The following WNK2 variants were observed in gnomAD, a reference collection of about 807,000 sequenced individuals.
WNK2 encodes serine/threonine-protein kinase WNK2.
A neutral mutation model predicts 192.1 loss-of-function variants in WNK2; 67 were observed. That is an observed-to-expected ratio of 0.35 (90% CI 0.29 to 0.43). The LOEUF (loss-of-function observed/expected upper bound fraction) is 0.43. Ranked by LOEUF, WNK2 falls within the 20% of genes least tolerant of loss-of-function variation. The pLI is 1.00. For synonymous variants in WNK2, 1,439 were observed against 1,393.9 expected (o/e 1.03, Z -0.72); for missense variants, 2,698 against 3,089.7 (o/e 0.87, Z 3.01).
At position 93,185,132 on chromosome 9, in the gene WNK2, C is replaced by G; in HGVS notation, c.203C>G (p.Pro68Arg). Residue 68 changes from proline to arginine, a missense_variant, in exon 2 of 30, where the codon CCG becomes CGG. By Grantham distance (103) the Pro-to-Arg change is moderately radical (BLOSUM62 -2). Transcript: ENST00000427277. ...EAAEAPGPQP[P>R]QPLQRRVLLL... ...GCCGAGGCGCCGGGCCCGCAGCCCCCGCAGCCCCTGCAGCGCCGGGTGCTT... is the reference window on the plus strand; with the variant it reads ...GCCGAGGCGCCGGGCCCGCAGCCCCGGCAGCCCCTGCAGCGCCGGGTGCTT... 3 of 1,307,272 alleles carry G rather than the reference C, an allele frequency of 2.3e-6. No individual in the cohort carries two copies. Among genetic ancestry groups the G allele is most frequent in the Non-Finnish European group, 2.9e-6 (3 of 1,021,964 alleles). 81.0% of individuals were successfully genotyped at this position (1,307,272 alleles called of 1,614,324 possible). A position where few individuals can be genotyped will look rare whatever the true frequency, so the allele number is the denominator to read the frequency against.
chr9:93,301,737 C>T (rs527635061), intron 26 of WNK2, among the ~76,000 whole-genome samples: 85 of 152,316 alleles, frequency 5.6e-4, no homozygotes, highest in African/African-American at 2.0e-3. Context: ...TCACTGGGGG[C>T]GAGGGCACCT....
chr9:93,309,517 C>T (rs1812167330), intron 28 of WNK2, among the ~76,000 whole-genome samples: 1 of 152,082 alleles, frequency 6.6e-6, no homozygotes, highest in African/African-American at 2.4e-5. Flanking sequence ...TAAAAGTATC[C>T]ATAATAGCTA....
At position 93,299,220 on chromosome 9, in the gene WNK2, G is replaced by A; in HGVS notation, c.6074G>A (p.Cys2025Tyr). 1 of 1,591,494 alleles carries A rather than the reference G, an allele frequency of 6.3e-7. No individual in the cohort carries two copies. The highest frequency in any genetic ancestry group is 8.6e-7 in the Non-Finnish European group (1 of 1,164,240). Reference protein sequence around the residue: ...SVRASLSSDICSGLASDGGGA... With the variant: ...SVRASLSSDIYSGLASDGGGA... Reference sequence around the variant, plus strand: ...CGGGCCTCCCTGTCTTCGGACATCTGCTCCGGCTTAGCCAGTGATGGAGGC... The same window carrying A: ...CGGGCCTCCCTGTCTTCGGACATCTACTCCGGCTTAGCCAGTGATGGAGGC... Residue 2025 changes from cysteine to tyrosine, a missense_variant, in exon 25 of 30, where the codon TGC (cysteine) becomes TAC (tyrosine). Physicochemically the swap from Cys to Tyr is radical, Grantham distance 194. This residue lies in a region of WNK2 where 1,098 missense variants were observed against 1,101.0 expected (regional missense o/e 1.00). Coordinates refer to ENST00000427277, the MANE Select transcript of WNK2 (RefSeq NM_006648.4).
chr9:93,213,148 C>T (rs1289858908), intron 2 of WNK2, among the ~76,000 whole-genome samples: 2 of 152,068 alleles, frequency 1.3e-5, no homozygotes, highest in African/African-American at 2.4e-5. Flanking sequence ...AGCCGTCTTC[C>T]CAGAGTAGAT....
chr9:93,236,572 A>T (rs1383175652), intron 5 of WNK2, among the ~76,000 whole-genome samples: 1 of 152,248 alleles, frequency 6.6e-6, no homozygotes, highest in Non-Finnish European at 1.5e-5. Flanking sequence ...CTTCCAACAC[A>T]AAACAACCTA....
chr9:93,184,303 G>C lies in WNK2; in HGVS notation c.-85G>C, dbSNP rs1828852504. 6.6e-6 allele frequency among the ~76,000 whole-genome samples: 1 copy of C among 151,130 alleles called. No homozygotes were observed. Among genetic ancestry groups the C allele is most frequent in the Non-Finnish European group, 1.5e-5 (1 of 67,632 alleles). On this transcript the variant is annotated 5_prime_UTR_variant, in exon 1 of 30. Transcript: ENST00000427277. ...CAGCGCGGACCTCGCCCGGAACTCG[G>C]ACCCCGTCCTCGAAGCGTGATCTCT...
rs143837133 is a variant in WNK2, at chr9:93,292,670, G to A, written c.5205G>A (p.Gln1735=). Residue 1735 remains glutamine (Q), a synonymous_variant, in exon 23 of 30, where the codon CAG becomes CAA. Transcript: ENST00000427277. ...ALGSPRKRPE[Q]QDVSSPAKTV... ...GGTCCCCTCGGAAACGTCCAGAGCA[G>A]CAGGATGTCAGCTCACCAGCCAAGA... 6.3e-7 allele frequency: 1 copy of A among 1,577,692 alleles called. No individual in the cohort carries two copies. Among genetic ancestry groups the A allele is most frequent in the Non-Finnish European group, 8.6e-7 (1 of 1,163,198 alleles).
chr9:93,311,369 T>G (rs1157287243), intron 28 of WNK2, among the ~76,000 whole-genome samples: 1 of 152,216 alleles, frequency 6.6e-6, no homozygotes, highest in Non-Finnish European at 1.5e-5. Flanking sequence ...GCTTCCATCT[T>G]TTAGCTGTTA....
rs564305273 is a variant in WNK2 at position 93,229,445 on chromosome 9, C to T, written c.682-251C>T. On this transcript the variant is annotated intron_variant, in intron 2 of 29. Coordinates refer to ENST00000427277, the MANE Select transcript of WNK2 (RefSeq NM_006648.4). This position sits in a 1 kb window ranked among gnomAD's most constrained non-coding sequence, Gnocchi z 4.9. Reference sequence around the variant, plus strand: ...GCTCAAGTGTGGCCGTGTGGATTTGCGAGACCTCTTCGGCTTCCTAGGATG... The same window carrying T: ...GCTCAAGTGTGGCCGTGTGGATTTGTGAGACCTCTTCGGCTTCCTAGGATG... Among the ~76,000 whole-genome samples, 171 of 152,276 alleles carry T rather than the reference C, an allele frequency of 1.1e-3. No individual in the cohort carries two copies. Among genetic ancestry groups the T allele is most frequent in the African/African-American group, 3.9e-3 (162 of 41,556 alleles).
At chr9:93,318,478 G>A in intron 29 of WNK2, 1 of 1,614,146 alleles carries the variant, frequency 6.2e-7, no homozygotes, top group Non-Finnish European at 8.5e-7. Context: ...AATGTCAGTT[G>A]TTGCGCTGGG....
intron 16 of WNK2, among the ~76,000 whole-genome samples, chr9:93,264,270 C>T (rs1038841796): frequency 6.6e-6 from 1 of 152,178 alleles, no homozygotes; most frequent in Non-Finnish European, 1.5e-5. Context: ...AGATGCTGCT[C>T]CCTGAGGGCT....
chr9:93,310,237 A>AC (rs994789939), intron 28 of WNK2, among the ~76,000 whole-genome samples: 4 of 152,040 alleles, frequency 2.6e-5, no homozygotes, highest in Admixed American at 2.6e-4. Flanking sequence ...TCTCAGTGGA[A>AC]CCCCATTATT....
intron 2 of WNK2, among the ~76,000 whole-genome samples, chr9:93,193,392 C>T (rs1025479316): frequency 1.3e-5 from 2 of 152,182 alleles, no homozygotes; most frequent in South Asian, 4.1e-4. Flanking sequence ...CTCAGGTCAA[C>T]CTCTTTTCAC....
intron 2 of WNK2, among the ~76,000 whole-genome samples, chr9:93,202,104 A>G (rs529023808): frequency 6.6e-6 from 1 of 152,314 alleles, no homozygotes; most frequent in East Asian, 1.9e-4. Flanking sequence ...GCCTCCAGGT[A>G]GGCTTGGGGA....
chr9:93,234,019 A>G (rs1027813059), intron 4 of WNK2, among the ~76,000 whole-genome samples: 7 of 152,186 alleles, frequency 4.6e-5, no homozygotes, highest in African/African-American at 1.7e-4. Flanking sequence ...TAAAATAAAA[A>G]TCAGCCCTCG....
intron 2 of WNK2, among the ~76,000 whole-genome samples, chr9:93,213,222 C>T (rs1835105643): frequency 6.6e-6 from 1 of 152,140 alleles, no homozygotes; most frequent in South Asian, 2.1e-4. Flanking sequence ...GGCTCTGAAG[C>T]TGGACAGTTG....
In WNK2 at chr9:93,231,243, C is replaced by T. The variant is rs569884242; in HGVS notation, c.1075+135C>T. ...GAGGAGCGTCTGGGCACGGGAGCCT[C>T]GGGCCAGGGTGTCTGGGCTACCCCA... On this transcript the variant is annotated intron_variant, in intron 4 of 29. Coordinates refer to ENST00000427277, the MANE Select transcript of WNK2 (RefSeq NM_006648.4). 7.5e-5 allele frequency: 64 copies of T among 857,326 alleles called. 1 individual carries two copies. In the East Asian group the frequency reaches 8.4e-4, roughly 11 times the overall value. 53.1% of individuals were successfully genotyped at this position (857,326 alleles called of 1,614,324 possible). A position where few individuals can be genotyped will look rare whatever the true frequency, so the allele number is the denominator to read the frequency against.
At position 93,257,031 on chromosome 9, in the gene WNK2, C is replaced by T. The variant is rs1305929605; in HGVS notation, c.2274C>T (p.His758=). 1 of 1,604,984 alleles carries T rather than the reference C, an allele frequency of 6.2e-7. No homozygotes were observed. The highest frequency in any genetic ancestry group is 8.5e-7 in the Non-Finnish European group (1 of 1,178,066). ...TCCCCCTCCAGCCGGTTCCCCCCCA[C>T]CTGCCACCGTACCTGGCTCCAGCCT... ...PVVPLQPVPP[H]LPPYLAPASQ... Residue 758 remains histidine (H), a synonymous_variant, in exon 11 of 30, where the codon CAC becomes CAT. Transcript: ENST00000427277. This position sits in a 1 kb window ranked among gnomAD's most constrained non-coding sequence, Gnocchi z 4.7.
At chr9:93,209,195 C>T (rs1834026531) in intron 2 of WNK2, among the ~76,000 whole-genome samples, 1 of 152,116 alleles carries the variant, frequency 6.6e-6, no homozygotes, top group Non-Finnish European at 1.5e-5. Flanking sequence ...CAGGTAGGTG[C>T]GAGCACCTGG....
Sources: allele counts gnomAD v4.1 joint callset (sites outside exome capture counted in the v4.1 genomes callset), GRCh38; gene constraint gnomAD v4.1.1; regional missense constraint gnomAD v4.1.1; non-coding constraint Gnocchi (gnomAD v3.1); transcripts MANE v1.5; gene names NCBI Gene and HGNC (gene_info 2026-07-23, HGNC 2026-07-21).